The following SMG6 variants were observed in gnomAD, a reference collection of about 807,000 sequenced individuals.
The protein encoded by SMG6 is telomerase-binding protein EST1A.
SMG6 carries 66 observed loss-of-function variants against 142.2 expected under a neutral mutation model. The observed-to-expected ratio is 0.46, with a 90% CI of 0.38 to 0.57. The LOEUF (loss-of-function observed/expected upper bound fraction) is 0.57. SMG6 is among the 20% of genes least tolerant of loss of function. SMG6 has a pLI of 0.00. For synonymous variants in SMG6, 779 were observed against 702.4 expected (o/e 1.11, Z -1.72); for missense variants, 1,793 against 1,832.0 (o/e 0.98, Z 0.39).
At chr17:2,262,743 T>C (rs1359717910) in intron 8 of SMG6, among the ~76,000 whole-genome samples, 7 of 152,206 alleles carry the variant, frequency 4.6e-5, no homozygotes, top group Non-Finnish European at 1.0e-4. Flanking sequence ...ACATATCCTT[T>C]TTTCTTACTA....
chr17:2,279,872 T>C (rs1357224314), intron 8 of SMG6, among the ~76,000 whole-genome samples: 3 of 152,010 alleles, frequency 2.0e-5, no homozygotes, highest in African/African-American at 7.2e-5. Flanking sequence ...CTTTACGACA[T>C]CTTTAAGCTG....
intron 13 of SMG6, among the ~76,000 whole-genome samples, chr17:2,097,803 C>T (rs1337637669): frequency 3.9e-5 from 6 of 152,180 alleles, no homozygotes; most frequent in Non-Finnish European, 2.9e-5. Context: ...CTTATTCTTT[C>T]ACTAAGACTT....
chr17:2,154,423 T>C (rs1461126757), intron 13 of SMG6, among the ~76,000 whole-genome samples: 1 of 152,144 alleles, frequency 6.6e-6, no homozygotes, highest in Non-Finnish European at 1.5e-5. Context: ...GACAACACTA[T>C]AAAACAGACA....
chr17:2,090,353 G>A (rs2068684463), intron 13 of SMG6, among the ~76,000 whole-genome samples: 1 of 151,946 alleles, frequency 6.6e-6, no homozygotes, highest in Non-Finnish European at 1.5e-5. Context: ...AGGTAGGGAG[G>A]GTAAGAGAGA....
chr17:2,260,434 T>C (rs575232703), intron 8 of SMG6, among the ~76,000 whole-genome samples: 2 of 152,372 alleles, frequency 1.3e-5, no homozygotes, highest in South Asian at 2.1e-4. Context: ...GCTAGTTTTT[T>C]TGGTCAATCA....
intron 9 of SMG6, chr17:2,237,387 C>T (rs1349011175): frequency 8.7e-6 from 4 of 459,136 alleles, no homozygotes; most frequent in Non-Finnish European, 8.6e-6. Flanking sequence ...TTTACCCAAG[C>T]GTTTACTTTA....
At chr17:2,160,257 T>C (rs1409591509) in intron 13 of SMG6, among the ~76,000 whole-genome samples, 1 of 152,166 alleles carries the variant, frequency 6.6e-6, no homozygotes, top group Non-Finnish European at 1.5e-5. Flanking sequence ...TCTCACTCTA[T>C]TGCCCAGGCT....
intron 15 of SMG6, among the ~76,000 whole-genome samples, chr17:2,070,662 C>T (rs748956839): frequency 1.1e-4 from 17 of 152,188 alleles, no homozygotes; most frequent in Non-Finnish European, 2.2e-4. Context: ...GTTGTTGCTG[C>T]CACTGCCACC....
Position 2,282,865 on chromosome 17 carries a change from T to C in SMG6, c.2449-6A>G. ...TTCTTTTCCATCTGTTCTGCCTATA[T>C]AACATACAAACACATTAGCTCATGG... On this transcript the variant is annotated splice_polypyrimidine_tract_variant and splice_region_variant and intron_variant, in intron 7 of 18. Transcript: ENST00000263073. 2 of 1,614,002 alleles carry C rather than the reference T, an allele frequency of 1.2e-6. No homozygotes were observed. Among genetic ancestry groups the C allele is most frequent in the African/African-American group, 1.3e-5 (1 of 75,022 alleles).
At chr17:2,110,788 G>A (rs1056631208) in intron 13 of SMG6, among the ~76,000 whole-genome samples, 17 of 152,154 alleles carry the variant, frequency 1.1e-4, no homozygotes, top group Admixed American at 5.2e-4. Context: ...CAGTCTGCAC[G>A]CTGCCCAGAA....
chr17:2,280,086 T>A (rs1394568785), intron 8 of SMG6, among the ~76,000 whole-genome samples: 1 of 152,150 alleles, frequency 6.6e-6, no homozygotes, highest in Non-Finnish European at 1.5e-5. Flanking sequence ...CTATCCTCAA[T>A]GCTTACTTCT....
intron 8 of SMG6, among the ~76,000 whole-genome samples, chr17:2,267,340 AC>A (rs1567731811): frequency 6.7e-6 from 1 of 149,778 alleles, no homozygotes; most frequent in African/African-American, 2.4e-5. Context: ...AGTAACTAGG[AC>A]CACCCACCAC....
intron 12 of SMG6, among the ~76,000 whole-genome samples, chr17:2,174,663 C>T (rs1397471579): frequency 6.6e-6 from 1 of 152,192 alleles, no homozygotes; most frequent in Non-Finnish European, 1.5e-5. Context: ...TGGGAAGAAT[C>T]ACCGGAGGGA....
intron 18 of SMG6, among the ~76,000 whole-genome samples, chr17:2,064,177 G>A (rs1286136086): frequency 6.6e-6 from 1 of 152,142 alleles, no homozygotes; most frequent in Non-Finnish European, 1.5e-5. Flanking sequence ...GAAAGGCAAT[G>A]ACAAGAGACC....
At chr17:2,179,513 T>C (rs2071743977) in intron 12 of SMG6, among the ~76,000 whole-genome samples, 1 of 152,110 alleles carries the variant, frequency 6.6e-6, no homozygotes, top group Admixed American at 6.5e-5. Context: ...CCTACGACCC[T>C]TCTCCAGTGT....
At chr17:2,086,156 G>A (rs2068555415) in intron 13 of SMG6, among the ~76,000 whole-genome samples, 1 of 152,154 alleles carries the variant, frequency 6.6e-6, no homozygotes, top group Non-Finnish European at 1.5e-5. Context: ...CAACCCCAGG[G>A]ACCAGTGACA....
intron 8 of SMG6, among the ~76,000 whole-genome samples, chr17:2,277,323 T>C (rs535005387): frequency 4.4e-4 from 67 of 152,020 alleles, no homozygotes; most frequent in Middle Eastern, 3.4e-3. Context: ...CCTGCCACCA[T>C]GCCCGGCTAA....
Position 2,223,807 on chromosome 17 carries a change from C to T in SMG6, c.2869+12685G>A, listed in dbSNP as rs184629142. Among the ~76,000 whole-genome samples, 3 of 152,220 alleles carry T rather than the reference C, an allele frequency of 2.0e-5. No individual in the cohort carries two copies. In the East Asian group the frequency reaches 5.8e-4, roughly 29 times the overall value. ...TGACACCATTTGCCATAAGACTGAG[C>T]TGTAAATGGGCAGGAGCTGGAAAAG... is the stretch of plus-strand genomic sequence containing the variant. On this transcript the variant is annotated intron_variant, in intron 10 of 18. Transcript: ENST00000263073.
chr17:2,201,924 T>C (rs955501871), intron 10 of SMG6, among the ~76,000 whole-genome samples: 2 of 151,860 alleles, frequency 1.3e-5, no homozygotes, highest in Non-Finnish European at 2.9e-5. Context: ...CTTGGGAGGC[T>C]GAGGCAGGAG....
Sources: allele counts gnomAD v4.1 joint callset (sites outside exome capture counted in the v4.1 genomes callset), GRCh38; gene constraint gnomAD v4.1.1; transcripts MANE v1.5; gene names NCBI Gene and HGNC (gene_info 2026-07-23, HGNC 2026-07-21).